The following STK40 variants were observed in gnomAD, a reference collection of about 807,000 sequenced individuals.
The protein encoded by STK40 is serine/threonine kinase 40.
STK40 carries 13 observed loss-of-function variants against 47.9 expected under a neutral mutation model. That is an observed-to-expected ratio of 0.27 (90% CI 0.18 to 0.43). STK40 has a LOEUF of 0.43. STK40 is among the 20% of genes least tolerant of loss of function. The probability of loss-of-function intolerance (pLI) is 1.00; values close to 1 mark genes in which losing one functional copy is unlikely to be tolerated. For missense variants in STK40, 460 were observed against 595.1 expected (o/e 0.77, Z 2.36); for synonymous variants, 225 against 243.2 (o/e 0.93, Z 0.69).
At chr1:36,363,019 G>A (rs1646866964) in intron 1 of STK40, among the ~76,000 whole-genome samples, 1 of 152,146 alleles carries the variant, frequency 6.6e-6, no homozygotes, top group East Asian at 1.9e-4. Flanking sequence ...AGCTGGTCCT[G>A]GTGGTGCACA....
Position 36,358,222 on chromosome 1 carries a change from G to A in STK40, c.342+17C>T. On this transcript the variant is annotated intron_variant, in intron 4 of 10. Transcript: ENST00000373132. ...AGCCAGAGGTGAGCGCGAAGGGTGA[G>A]GGGGAAGGCCGCTCACCTGGAAGAG... is the stretch of plus-strand genomic sequence containing the variant. 1 of 1,571,910 alleles carries A rather than the reference G, an allele frequency of 6.4e-7. No homozygotes were observed. The highest frequency in any genetic ancestry group is 1.1e-5 in the South Asian group (1 of 88,404).
rs1177474923 is a variant in STK40, at chr1:36,355,226, C to T, written c.550G>A (p.Val184Met). The T allele has an allele frequency of 1.2e-5, 19 of 1,613,876 alleles. No homozygotes were observed. The highest frequency in any genetic ancestry group is 2.2e-5 in the South Asian group (2 of 91,072). The change falls in exon 5 of 11, where the codon GTG (valine) becomes ATG (methionine). Residue 184 changes from valine to methionine, a missense_variant. Val to Met is a conservative substitution (Grantham distance 21). Around this residue, in one of 3 missense-constraint regions of STK40, gnomAD observed 277 missense variants for 358.7 expected, o/e 0.77. Coordinates refer to ENST00000373132, the MANE Select transcript of STK40 (RefSeq NM_001282547.2). ...CTCACCTGGTGCAGGGCCTCCACCA[C>T]GCGGACCACGTCGTAGAAGATTACC... ...TVVIFYDVVR[V>M]VEALHQKNIV...
rs200365938 is a variant in STK40 at position 36,354,505 on chromosome 1, C to T, written c.571-89G>A. The T allele has an allele frequency of 1.4e-3, 1,909 of 1,398,052 alleles. 10 individuals carry two copies. The highest frequency in any genetic ancestry group is 1.4e-3 in the Middle Eastern group (8 of 5,648). The allele number at this position is 1,398,052 out of a possible 1,614,324, so 86.6% of individuals were successfully genotyped here. On this transcript the variant is annotated intron_variant, in intron 5 of 10. Coordinates refer to ENST00000373132, the MANE Select transcript of STK40 (RefSeq NM_001282547.2). ...GTAAGATGGGGGCTCTCCAGGTGTT[C>T]GAGAAGGCAGGAAAAATTCTATGAT...
At chr1:36,382,913 T>C (rs1025016149) in intron 1 of STK40, among the ~76,000 whole-genome samples, 2 of 152,180 alleles carry the variant, frequency 1.3e-5, no homozygotes, top group Admixed American at 6.5e-5. Context: ...CCAGCAGGGA[T>C]AGAAGTAGAA....
chr1:36,355,736 G>T (rs997975193), intron 4 of STK40, among the ~76,000 whole-genome samples: 1 of 152,224 alleles, frequency 6.6e-6, no homozygotes, highest in Non-Finnish European at 1.5e-5. Context: ...GGCATTTAGA[G>T]CCCAAGGGCC....
At chr1:36,368,781 T>A (rs554774256) in intron 1 of STK40, among the ~76,000 whole-genome samples, 1 of 152,340 alleles carries the variant, frequency 6.6e-6, no homozygotes, top group South Asian at 2.1e-4. Flanking sequence ...ATTGGACAAC[T>A]GGTAAAATCT....
intron 7 of STK40, among the ~76,000 whole-genome samples, chr1:36,348,067 A>G (rs1054792044): frequency 4.6e-5 from 7 of 152,260 alleles, no homozygotes; most frequent in African/African-American, 1.7e-4. Flanking sequence ...TCTAGAACAG[A>G]GCTTTGGGCC....
intron 1 of STK40, among the ~76,000 whole-genome samples, chr1:36,383,738 A>T (rs1395733742): frequency 1.3e-5 from 2 of 152,142 alleles, no homozygotes; most frequent in Admixed American, 1.3e-4. Flanking sequence ...TCATGAACCT[A>T]TACTGCTTCA....
At chr1:36,375,846 C>A (rs1646987852) in intron 1 of STK40, among the ~76,000 whole-genome samples, 1 of 152,054 alleles carries the variant, frequency 6.6e-6, no homozygotes, top group African/African-American at 2.4e-5. Context: ...CATGGCAAAA[C>A]CCTGTCTCTA....
At chr1:36,382,970 CAG>C (rs1218438359) in intron 1 of STK40, among the ~76,000 whole-genome samples, 2 of 152,010 alleles carry the variant, frequency 1.3e-5, no homozygotes, top group Non-Finnish European at 2.9e-5. Context: ...TTTTTTGAGA[CAG>C]AGTTTCGCTC....
chr1:36,346,009 T>TTTC (rs1436531127), intron 7 of STK40, among the ~76,000 whole-genome samples: 19 of 122,046 alleles, frequency 1.6e-4, no homozygotes, highest in African/African-American at 6.4e-4. Context: ...TTTTTTTTTT[T>TTTC]CCTGAGACAG....
intron 2 of STK40, among the ~76,000 whole-genome samples, chr1:36,360,229 G>C (rs1030819721): frequency 6.6e-6 from 1 of 152,208 alleles, no homozygotes; most frequent in East Asian, 1.9e-4. Flanking sequence ...CTGAATGACT[G>C]GAGCTGGAAC....
chr1:36,361,094 G>T, intron 2 of STK40, 127 bp downstream of exon 2: 3 of 1,076,264 alleles, frequency 2.8e-6, no homozygotes, highest in South Asian at 1.5e-5. Flanking sequence ...GCCTGGGGCA[G>T]GGCAGGACCA....
intron 3 of STK40, 83 bp downstream of exon 3, chr1:36,358,654 A>C: frequency 7.0e-7 from 1 of 1,428,352 alleles, no homozygotes; most frequent in Non-Finnish European, 9.8e-7. Flanking sequence ...ACAATGACGC[A>C]GGTGTGAAGG....
intron 6 of STK40, among the ~76,000 whole-genome samples, chr1:36,351,716 G>A (rs1162944629): frequency 1.4e-5 from 2 of 147,412 alleles, no homozygotes; most frequent in Non-Finnish European, 1.5e-5. Flanking sequence ...GCAGGGAGGT[G>A]CGACCCCTCG....
At position 36,343,441 on chromosome 1, in the gene STK40, G is replaced by A. The variant is rs111658119; in HGVS notation, c.1012C>T (p.Leu338=). Reference sequence around the variant, plus strand: ...TGCAAAGGCCCACTCAGAGATGACAGGGACTGCCTGCAGGGAGGCAGACAG... The same window carrying A: ...TGCAAAGGCCCACTCAGAGATGACAAGGACTGCCTGCAGGGAGGCAGACAG... ...LSAIIASWQS[L]SSLSGPLQVV... Residue 338 remains leucine (L), a synonymous_variant, in exon 10 of 11, where the codon CTG becomes TTG. Coordinates refer to ENST00000373132, the MANE Select transcript of STK40 (RefSeq NM_001282547.2). The A allele has an allele frequency of 2.5e-5, 41 of 1,613,094 alleles. No individual in the cohort carries two copies. The highest frequency in any genetic ancestry group is 1.3e-4 in the African/African-American group (10 of 75,050).
intron 1 of STK40, among the ~76,000 whole-genome samples, chr1:36,366,330 G>T (rs954895695): frequency 6.6e-6 from 1 of 152,196 alleles, no homozygotes; most frequent in Non-Finnish European, 1.5e-5. Flanking sequence ...GCCGACAGAA[G>T]GATGGCAACA....
At chr1:36,345,991 A>AAATATTTTTTTTTTTTT (rs1646697584) in intron 7 of STK40, among the ~76,000 whole-genome samples, 1 of 26,468 alleles carries the variant, frequency 3.8e-5, no homozygotes, top group Non-Finnish European at 6.9e-5. Context: ...ATATATATAT[A>AAATATTTTTTTTTTTTT]TTTTTTTTTT....
At chr1:36,348,887 C>T (rs756755515) in intron 6 of STK40, 72 bp from the exon 7 acceptor site, 56 of 1,316,408 alleles carry the variant, frequency 4.3e-5, no homozygotes, top group Non-Finnish European at 5.8e-5. Context: ...AGGCAGGACA[C>T]ACCTCACTGG....
Sources: allele counts gnomAD v4.1 joint callset (sites outside exome capture counted in the v4.1 genomes callset), GRCh38; gene constraint gnomAD v4.1.1; regional missense constraint gnomAD v4.1.1; transcripts MANE v1.5; gene names NCBI Gene and HGNC (gene_info 2026-07-23, HGNC 2026-07-21).